TMEM132C: variants seen among roughly 807,000 people sequenced by gnomAD.
TMEM132C encodes transmembrane protein 132C.
In TMEM132C, 29 loss-of-function variants were observed where a neutral mutation model predicts 61.4. That is an observed-to-expected ratio of 0.47 (90% CI 0.35 to 0.64). The LOEUF is 0.64. TMEM132C is among the 30% of genes least tolerant of loss of function. The probability of loss-of-function intolerance (pLI) is 0.00; values close to 1 mark genes in which losing one functional copy is unlikely to be tolerated. For synonymous variants in TMEM132C, 656 were observed against 633.1 expected (o/e 1.04, Z -0.54); for missense variants, 1,408 against 1,476.9 (o/e 0.95, Z 0.76).
chr12:128,319,382 A>AGTGT lies in TMEM132C; in HGVS notation c.85+51908_85+51911dup, dbSNP rs71449341. 7.3e-5 allele frequency among the ~76,000 whole-genome samples: 11 copies of AGTGT among 151,570 alleles called. No individual in the cohort carries two copies. The East Asian group carries it at 9.8e-4, about 13-fold the overall frequency. On this transcript the variant is annotated intron_variant, in intron 1 of 8. Transcript: ENST00000435159. ...GAGAGAGAGAGAGAGACAGAGAGAC[A>AGTGT]GTGTGTGTGTGTGTGTCTGTCTGTT...
chr12:128,417,973 C>T (rs868630089), intron 2 of TMEM132C, among the ~76,000 whole-genome samples: 1 of 152,092 alleles, frequency 6.6e-6, no homozygotes, highest in Admixed American at 6.6e-5. Context: ...GACTTAGTCA[C>T]ATTAAAGGGT....
At position 128,705,646 on chromosome 12, in the gene TMEM132C, C is replaced by A; in HGVS notation, c.2678C>A (p.Thr893Asn). ...GQLQNIPIDF[T>N]NFPAHVDLPK... ...CTGCAGAACATCCCCATTGACTTCA[C>A]CAACTTCCCTGCCCACGTGGACCTC... The change falls in exon 9 of 9, where the codon ACC (threonine) becomes AAC (asparagine). Residue 893 changes from threonine to asparagine, a missense_variant. Physicochemically the swap from Thr to Asn is moderately conservative, Grantham distance 65. Transcript: ENST00000435159. 6.4e-7 allele frequency: 1 copy of A among 1,551,122 alleles called. No individual in the cohort carries two copies.
Position 128,488,709 on chromosome 12 carries a change from A to G in TMEM132C, c.975-55248A>G, listed in dbSNP as rs536082117. Among the ~76,000 whole-genome samples, 86 of 151,772 alleles carry G rather than the reference A, an allele frequency of 5.7e-4. 1 individual carries two copies. Among genetic ancestry groups the G allele is most frequent in the African/African-American group, 1.9e-3 (80 of 41,396 alleles). On this transcript the variant is annotated intron_variant, in intron 2 of 8. Coordinates refer to ENST00000435159, the MANE Select transcript of TMEM132C (RefSeq NM_001136103.3). ...TAAATATTATAATACTAAATATTGTATATTAATGTTATATATACTTGTTTT... is the reference window on the plus strand; with the variant it reads ...TAAATATTATAATACTAAATATTGTGTATTAATGTTATATATACTTGTTTT...
At chr12:128,305,903 T>G (rs1323377306) in intron 1 of TMEM132C, among the ~76,000 whole-genome samples, 1 of 152,154 alleles carries the variant, frequency 6.6e-6, no homozygotes, top group Admixed American at 6.6e-5. Flanking sequence ...TGGTGATATT[T>G]ACAATTACAA....
chr12:128,583,262 T>G (rs902062), intron 3 of TMEM132C, among the ~76,000 whole-genome samples: 55,190 of 151,954 alleles, frequency 0.36, 11,122 homozygotes, highest in South Asian at 0.55. Context: ...GATGCACTTG[T>G]GTGCCAACAT....
chr12:128,328,472 T>C (rs1872587063), intron 1 of TMEM132C, among the ~76,000 whole-genome samples: 1 of 152,048 alleles, frequency 6.6e-6, no homozygotes, highest in Non-Finnish European at 1.5e-5. Context: ...TGATGCGAAA[T>C]TAACTGTGGT....
At chr12:128,487,476 G>A (rs1180111876) in intron 2 of TMEM132C, among the ~76,000 whole-genome samples, 9 of 216 alleles carry the variant, frequency 0.042, no homozygotes, top group Admixed American at 0.28. Flanking sequence ...TTGTGTGCGT[G>A]TGTGTGTGTG....
chr12:128,560,081 C>T (rs547532274), intron 3 of TMEM132C, among the ~76,000 whole-genome samples: 1 of 152,308 alleles, frequency 6.6e-6, no homozygotes, highest in South Asian at 2.1e-4. Context: ...GACCCTGTCT[C>T]TACAAAAATA....
At chr12:128,289,053 CAT>C (rs970694949) in intron 1 of TMEM132C, 15 of 152,392 alleles carry the variant, frequency 9.8e-5, no homozygotes, top group African/African-American at 3.6e-4. Context: ...ACCTCCCACA[CAT>C]TCACACACTC....
intron 3 of TMEM132C, among the ~76,000 whole-genome samples, chr12:128,583,967 C>T (rs1232479271): frequency 4.6e-5 from 7 of 152,196 alleles, no homozygotes; most frequent in Admixed American, 1.3e-4. Flanking sequence ...AAGACCTAAC[C>T]GAGCATTTCT....
chr12:128,270,746 C>T (rs1215291769), intron 1 of TMEM132C, among the ~76,000 whole-genome samples: 2 of 152,194 alleles, frequency 1.3e-5, no homozygotes, highest in African/African-American at 4.8e-5. Flanking sequence ...CTTCTTATCC[C>T]TCAAGTCGAA....
chr12:128,658,538 T>C (rs1954352931), intron 4 of TMEM132C, among the ~76,000 whole-genome samples: 1 of 152,162 alleles, frequency 6.6e-6, no homozygotes, highest in Non-Finnish European at 1.5e-5. Context: ...TCATATACTT[T>C]TCCTTTGGAG....
intron 1 of TMEM132C, among the ~76,000 whole-genome samples, chr12:128,356,527 C>T (rs80004181): frequency 0.022 from 3,277 of 152,258 alleles, 117 homozygotes; most frequent in African/African-American, 0.074. Context: ...CAATAGCTCC[C>T]CAGAAGGGAT....
intron 1 of TMEM132C, among the ~76,000 whole-genome samples, chr12:128,385,827 G>A: frequency 6.6e-6 from 1 of 152,188 alleles, no homozygotes; most frequent in East Asian, 1.9e-4. Context: ...GCTCTGATTT[G>A]CCGCAGCCGC....
intron 2 of TMEM132C, among the ~76,000 whole-genome samples, chr12:128,472,076 C>T (rs1870971166): frequency 6.6e-6 from 1 of 152,134 alleles, no homozygotes; most frequent in African/African-American, 2.4e-5. Context: ...CCCCAAGAGA[C>T]CTGCAGGTAA....
chr12:128,514,004 T>C (rs1236584707), intron 2 of TMEM132C, among the ~76,000 whole-genome samples: 1 of 152,184 alleles, frequency 6.6e-6, no homozygotes, highest in Non-Finnish European at 1.5e-5. Flanking sequence ...GCTTTGCCAT[T>C]CCTTGTGTTT....
chr12:128,332,609 G>A (rs71462488), intron 1 of TMEM132C, among the ~76,000 whole-genome samples: 3,313 of 152,300 alleles, frequency 0.022, 73 homozygotes, highest in African/African-American at 0.051. Flanking sequence ...CCTCACAGCC[G>A]TAGGCTCCTG....
Position 128,705,374 on chromosome 12 carries a change from C to T in TMEM132C, c.2406C>T (p.Asn802=), listed in dbSNP as rs370482172. ...ACGTCAGGGTCAAGTTCGGACAGAA[C>T]GATGCTGACTCCAGCCCCGGCGGGG... ...VGNVRVKFGQ[N]DADSSPGGDY... is the part of the protein sequence containing the mutation. Residue 802 remains asparagine, a synonymous_variant, in exon 9 of 9, where the codon AAC becomes AAT. Coordinates refer to ENST00000435159, the MANE Select transcript of TMEM132C (RefSeq NM_001136103.3). The T allele has an allele frequency of 2.2e-4, 337 of 1,551,232 alleles. No individual in the cohort carries two copies. Among genetic ancestry groups the T allele is most frequent in the Non-Finnish European group, 2.9e-4 (327 of 1,146,998 alleles).
intron 1 of TMEM132C, among the ~76,000 whole-genome samples, chr12:128,275,084 C>T (rs1032167937): frequency 6.6e-6 from 1 of 152,170 alleles, no homozygotes; most frequent in Non-Finnish European, 1.5e-5. Flanking sequence ...ATTCCACTGG[C>T]CCTAAGACCT....
Sources: allele counts gnomAD v4.1 joint callset (sites outside exome capture counted in the v4.1 genomes callset), GRCh38; gene constraint gnomAD v4.1.1; transcripts MANE v1.5; gene names NCBI Gene and HGNC (gene_info 2026-07-23, HGNC 2026-07-21).